Variants in ATP6V0A4 observed in about 807,000 individuals in gnomAD.
ATP6V0A4 encodes the protein V-type proton ATPase 116 kDa subunit a 4.
Under a neutral mutation model 107.3 loss-of-function variants are expected in ATP6V0A4, and 86 were observed. That is an observed-to-expected ratio of 0.80 (90% CI 0.67 to 0.96). The LOEUF is 0.96. Ranked by LOEUF, ATP6V0A4 falls within the 40% of genes least tolerant of loss-of-function variation. ATP6V0A4 has a pLI of 0.00. For missense variants in ATP6V0A4, 908 were observed against 1,045.6 expected, an observed-to-expected ratio of 0.87 and a Z score of 1.81; for synonymous variants, 353 against 381.4, an observed-to-expected ratio of 0.93 and a Z score of 0.87.
At chr7:138,780,990 C>T (rs1225052488) in intron 2 of ATP6V0A4, among the ~76,000 whole-genome samples, 1 of 152,184 alleles carries the variant, frequency 6.6e-6, no homozygotes, top group Non-Finnish European at 1.5e-5. Flanking sequence ...TTATTTCCCA[C>T]CCTCTGACAT....
chr7:138,732,708 C>T (rs543791385), intron 17 of ATP6V0A4, among the ~76,000 whole-genome samples, 169 bp downstream of exon 17: 1 of 151,374 alleles, frequency 6.6e-6, no homozygotes, highest in Admixed American at 6.6e-5. Flanking sequence ...TCAGGAAAAT[C>T]GTTTTAACCC....
At chr7:138,774,522 A>G (rs1807551991) in intron 2 of ATP6V0A4, among the ~76,000 whole-genome samples, 1 of 151,444 alleles carries the variant, frequency 6.6e-6, no homozygotes, top group Non-Finnish European at 1.5e-5. Context: ...CAGAGGTTGC[A>G]GTGAGCCTAG....
rs75076601 is a variant in ATP6V0A4 at position 138,734,981 on chromosome 7, C to T, written c.1573-727G>A. Reference sequence around the variant, plus strand: ...TTTCCCCAGACCTTTCTCAAGAAGCCGTTCCTGTAGCCAATCTTTGCAAGC... The same window carrying T: ...TTTCCCCAGACCTTTCTCAAGAAGCTGTTCCTGTAGCCAATCTTTGCAAGC... On this transcript the variant is annotated intron_variant, in intron 15 of 21. Transcript: ENST00000310018. 4.6e-3 allele frequency among the ~76,000 whole-genome samples: 696 copies of T among 152,194 alleles called. 9 individuals carry two copies. Among genetic ancestry groups the T allele is most frequent in the African/African-American group, 0.016 (656 of 41,552 alleles).
At chr7:138,767,784 G>C (rs1374306795) in intron 5 of ATP6V0A4, among the ~76,000 whole-genome samples, 6 of 152,058 alleles carry the variant, frequency 3.9e-5, no homozygotes. Flanking sequence ...GGTCCTCCAT[G>C]ATCTGGCTCT....
At chr7:138,794,452 T>C (rs1808564079) in intron 1 of ATP6V0A4, among the ~76,000 whole-genome samples, 1 of 152,214 alleles carries the variant, frequency 6.6e-6, no homozygotes, top group Admixed American at 6.5e-5. Flanking sequence ...TTCCATCTTT[T>C]AGCCCTGGAA....
At chr7:138,720,210 C>A (rs2117208607) in intron 19 of ATP6V0A4, among the ~76,000 whole-genome samples, 1 of 152,212 alleles carries the variant, frequency 6.6e-6, no homozygotes, top group African/African-American at 2.4e-5. Flanking sequence ...TCAAGGACTG[C>A]ACCCTTAACC....
intron 18 of ATP6V0A4, among the ~76,000 whole-genome samples, chr7:138,724,082 T>C (rs1036627975): frequency 1.4e-5 from 2 of 144,086 alleles, no homozygotes; most frequent in African/African-American, 5.2e-5. Context: ...CCCAACTACA[T>C]AGGAGGCTAG....
chr7:138,722,165 C>T, intron 18 of ATP6V0A4, 140 bp from the exon 19 acceptor site: 1 of 1,375,646 alleles, frequency 7.3e-7, no homozygotes, highest in Middle Eastern at 2.0e-4. Context: ...TCATTAAGCC[C>T]TCACAACAAC....
At chr7:138,710,561 A>G (rs1267212813) in intron 20 of ATP6V0A4, among the ~76,000 whole-genome samples, 11 of 152,290 alleles carry the variant, frequency 7.2e-5, no homozygotes, top group Non-Finnish European at 1.6e-4. Context: ...CTGAATATAT[A>G]TTTTATGCAT....
In ATP6V0A4 at chr7:138,768,820, C is replaced by G; in HGVS notation, c.251G>C (p.Ser84Thr). 6.2e-7 allele frequency: 1 copy of G among 1,614,140 alleles called. No individual in the cohort carries two copies. The highest frequency in any genetic ancestry group is 8.5e-7 in the Non-Finnish European group (1 of 1,180,028). The stretch of plus-strand genomic sequence containing the variant: ...TTCCCGTGGGAGCGGGGTCAGTGGG[C>G]TTTTCTCGAGCAACTGAACTACAAT... ...NEIVVQLLEK[S>T]PLTPLPREMI... The change falls in exon 5 of 22, where the codon AGC becomes ACC. Residue 84 changes from serine to threonine, a missense_variant. Ser to Thr is a moderately conservative substitution (Grantham distance 58). Coordinates refer to ENST00000310018, the MANE Select transcript of ATP6V0A4 (RefSeq NM_020632.3).
intron 11 of ATP6V0A4, among the ~76,000 whole-genome samples, chr7:138,750,777 T>C (rs1210876872): frequency 6.6e-6 from 1 of 152,184 alleles, no homozygotes; most frequent in African/African-American, 2.4e-5. Context: ...GCTTTTTAAG[T>C]GCCCCATTTA....
rs138299222 is a variant in ATP6V0A4 at position 138,798,112 on chromosome 7, G to A, written c.-199C>T. Reference sequence around the variant, plus strand: ...CTCAGCACAGCCTCCAGCATGCAGCGCCTCCCCGCTGCCACCCGGGCCACC... The same window carrying A: ...CTCAGCACAGCCTCCAGCATGCAGCACCTCCCCGCTGCCACCCGGGCCACC... On this transcript the variant is annotated 5_prime_UTR_variant, in exon 1 of 22. Transcript: ENST00000310018. 2.1e-3 allele frequency: 3,310 copies of A among 1,598,030 alleles called. 45 individuals are homozygous for A. In the African/African-American group the frequency reaches 0.034, roughly 17 times the overall value.
At chr7:138,737,907 G>A (rs1020221200) in intron 15 of ATP6V0A4, among the ~76,000 whole-genome samples, 1 of 151,806 alleles carries the variant, frequency 6.6e-6, no homozygotes, top group Non-Finnish European at 1.5e-5. Context: ...GACTACTGGT[G>A]TGTGCCACCA....
intron 20 of ATP6V0A4, 161 bp from the exon 21 acceptor site, chr7:138,709,956 C>A (rs150688467): frequency 3.0e-4 from 103 of 341,762 alleles, no homozygotes; most frequent in South Asian, 6.2e-4. Context: ...TGAAGCAATC[C>A]TCCTGTCTCA....
At chr7:138,766,616 G>T (rs1807107209) in intron 5 of ATP6V0A4, among the ~76,000 whole-genome samples, 1 of 151,688 alleles carries the variant, frequency 6.6e-6, no homozygotes, top group South Asian at 2.1e-4. Flanking sequence ...AATAAAAAGG[G>T]CTATCCACTC....
intron 17 of ATP6V0A4, among the ~76,000 whole-genome samples, chr7:138,732,529 C>T (rs896196338): frequency 1.3e-5 from 2 of 152,070 alleles, no homozygotes; most frequent in South Asian, 2.1e-4. Context: ...TGCGGTGGCT[C>T]ACACCTGTAA....
intron 7 of ATP6V0A4, among the ~76,000 whole-genome samples, 154 bp downstream of exon 7, chr7:138,762,186 A>G (rs1806855120): frequency 6.6e-6 from 1 of 152,080 alleles, no homozygotes; most frequent in African/African-American, 2.4e-5. Context: ...CCACCAACCT[A>G]GTAAGTTACA....
intron 13 of ATP6V0A4, among the ~76,000 whole-genome samples, chr7:138,745,752 G>A (rs949683451): frequency 2.0e-5 from 3 of 146,888 alleles, no homozygotes; most frequent in East Asian, 2.0e-4. Flanking sequence ...TCAGGAGTTC[G>A]AGACCAGCCT....
chr7:138,796,748 G>GGTAGGTGGAAGGTA (rs1178997011), intron 1 of ATP6V0A4, among the ~76,000 whole-genome samples: 104 of 152,208 alleles, frequency 6.8e-4, no homozygotes, highest in African/African-American at 2.4e-3. Context: ...TTTGAGTCTT[G>GGTAGGTGGAAGGTA]CCAGGTTGCA....
Sources: gnomAD v4.1 joint callset for allele counts (sites outside exome capture counted in the v4.1 genomes callset) on GRCh38, gnomAD v4.1.1 for gene constraint, MANE v1.5 for transcripts, NCBI Gene and HGNC (gene_info 2026-07-23, HGNC 2026-07-21) for gene names.